RABIF: variants seen among roughly 807,000 people sequenced by gnomAD.
RABIF encodes the protein RAB interacting factor.
In RABIF, 13 loss-of-function variants were observed where a neutral mutation model predicts 12.3. The ratio of observed to expected loss-of-function variants is 1.06; its 90% CI spans 0.69 to 1.68. RABIF has a LOEUF of 1.68. Ranked by LOEUF, RABIF falls within the 40% of genes most tolerant of loss-of-function variation. RABIF has a pLI of 0.00. For missense variants in RABIF, 153 were observed against 158.0 expected (o/e 0.97, Z 0.17); for synonymous variants, 70 against 63.3 (o/e 1.11, Z -0.50).
chr1:202,882,895 C>A (rs1390482300), intron 1 of RABIF, among the ~76,000 whole-genome samples: 2 of 152,048 alleles, frequency 1.3e-5, no homozygotes, highest in Non-Finnish European at 2.9e-5. Context: ...TGATCTATTC[C>A]ATCACTATTA....
rs1659528907 is a variant in RABIF at position 202,884,213 on chromosome 1, T to TA, written c.127-2991dup. 3.3e-5 allele frequency among the ~76,000 whole-genome samples: 5 copies of TA among 151,692 alleles called. No homozygotes were observed. The South Asian group carries it at 1.0e-3, about 32-fold the overall frequency. On this transcript the variant is annotated intron_variant, in intron 1 of 1. Coordinates refer to ENST00000367262, the MANE Select transcript of RABIF (RefSeq NM_002871.5). Reference sequence around the variant, plus strand: ...TGATATACTACTAACAGCACCCTTTTAAAAATAAAATACTACCTTTCTCAT... The same window carrying TA: ...TGATATACTACTAACAGCACCCTTTTAAAAAATAAAATACTACCTTTCTCAT...
rs1659440983 is a variant in RABIF, at chr1:202,878,454, T to TTA, written c.*2523_*2524insTA. Reference sequence around the variant, plus strand: ...GGCTCTCTTGGTGTGTTCACACAGATTTCTAAAGTATTTTGTCCAGCCTTT... The same window carrying TTA: ...GGCTCTCTTGGTGTGTTCACACAGATTATTCTAAAGTATTTTGTCCAGCCTTT... On this transcript the variant is annotated 3_prime_UTR_variant, in exon 2 of 2. Coordinates refer to ENST00000367262, the MANE Select transcript of RABIF (RefSeq NM_002871.5). 6.6e-6 allele frequency among the ~76,000 whole-genome samples: 1 copy of TTA among 152,208 alleles called. No homozygotes were observed. Among genetic ancestry groups the TTA allele is most frequent in the Non-Finnish European group, 1.5e-5 (1 of 68,042 alleles).
rs907664296 is a variant in RABIF at position 202,878,929 on chromosome 1, T to A, written c.*2049A>T. On this transcript the variant is annotated 3_prime_UTR_variant, in exon 2 of 2. Transcript: ENST00000367262. ...CTCCTTTGTTTTTTCAATTTATATA[T>A]TCTTCCCAAGGACATGCAGAAATCT... 3.3e-5 allele frequency: 5 copies of A among 152,220 alleles called. No homozygotes were observed. The highest frequency in any genetic ancestry group is 9.6e-5 in the African/African-American group (4 of 41,456). The allele number at this position is 152,220 out of a possible 1,614,324, so 9.4% of individuals were successfully genotyped here. A position where few individuals can be genotyped will look rare whatever the true frequency, so the allele number is the denominator to read the frequency against.
chr1:202,888,612 C>G (rs1571506735), intron 1 of RABIF, among the ~76,000 whole-genome samples: 1 of 152,206 alleles, frequency 6.6e-6, no homozygotes, highest in African/African-American at 2.4e-5. Flanking sequence ...GCGGGAGCTC[C>G]GAGAGCCGGA....
Position 202,886,283 on chromosome 1 carries a change from C to A in RABIF, c.126+2690G>T, listed in dbSNP as rs866088347. On this transcript the variant is annotated intron_variant, in intron 1 of 1. Coordinates refer to ENST00000367262, the MANE Select transcript of RABIF (RefSeq NM_002871.5). Reference sequence around the variant, plus strand: ...GGGAAGGGAAGGGGGGAAAGGAAAGCGGGGGAAGGGAGGGGAGGGGGAGGG... The same window carrying A: ...GGGAAGGGAAGGGGGGAAAGGAAAGAGGGGGAAGGGAGGGGAGGGGGAGGG... 2.8e-3 allele frequency among the ~76,000 whole-genome samples: 163 copies of A among 57,924 alleles called. 1 individual carries two copies. Among genetic ancestry groups the A allele is most frequent in the African/African-American group, 8.5e-3 (120 of 14,138 alleles). The allele number at this position is 57,924 out of a possible 152,430, so 38.0% of individuals were successfully genotyped here.
chr1:202,888,848 G>A lies in RABIF; in HGVS notation c.126+125C>T, dbSNP rs538977244. ...CTCGCCGAGCTGAGGCCCGAGGGGC[G>A]GGGCTTAAGGCCGCGCGAGGAGGGC... is the stretch of plus-strand genomic sequence containing the variant. On this transcript the variant is annotated intron_variant, in intron 1 of 1. Transcript: ENST00000367262. 35 of 1,311,706 alleles carry A rather than the reference G, an allele frequency of 2.7e-5. No individual in the cohort carries two copies. The African/African-American group carries it at 5.0e-4, about 19-fold the overall frequency. 81.3% of individuals were successfully genotyped at this position (1,311,706 alleles called of 1,614,324 possible). A position where few individuals can be genotyped will look rare whatever the true frequency, so the allele number is the denominator to read the frequency against.
chr1:202,886,983 C>T (rs2102398031), intron 1 of RABIF, among the ~76,000 whole-genome samples: 1 of 150,760 alleles, frequency 6.6e-6, no homozygotes, highest in Non-Finnish European at 1.5e-5. Flanking sequence ...ATCCGCCCAA[C>T]TCAGCTTCCC....
rs1659444768 is a variant in RABIF, at chr1:202,878,675, C to T, written c.*2303G>A. ...AGACAATTATGTGGAAACAATCAGG[C>T]TTTCACAAAATCAACTGCTCTCCCC... On this transcript the variant is annotated 3_prime_UTR_variant, in exon 2 of 2. Transcript: ENST00000367262. 6.6e-6 allele frequency among the ~76,000 whole-genome samples: 1 copy of T among 152,188 alleles called. No homozygotes were observed. The highest frequency in any genetic ancestry group is 1.5e-5 in the Non-Finnish European group (1 of 68,016).
rs777359064 is a variant in RABIF at position 202,881,193 on chromosome 1, C to G, written c.157G>C (p.Ala53Pro). The change falls in exon 2 of 2, where the codon GCT (alanine) becomes CCT (proline). Residue 53 changes from alanine (A) to proline (P), a missense_variant. Ala to Pro is a conservative substitution (Grantham distance 27). Coordinates refer to ENST00000367262, the MANE Select transcript of RABIF (RefSeq NM_002871.5). ...TCAGGATTGCTGCCGTCAGACAGAG[C>G]TGGCTTCTTTCTCATGGAGGGAAGG... ...LFLPSMRKKP[A>P]LSDGSNPDGD... The G allele has an allele frequency of 1.9e-6, 3 of 1,613,746 alleles. No individual in the cohort carries two copies. In the South Asian group the frequency reaches 3.3e-5, roughly 18 times the overall value.
At chr1:202,885,086 C>CAAAA (rs113531957) in intron 1 of RABIF, among the ~76,000 whole-genome samples, 12 of 120,650 alleles carry the variant, frequency 9.9e-5, no homozygotes, top group African/African-American at 3.5e-4. Context: ...GACTCTATCT[C>CAAAA]AAAAAAAAAA....
intron 1 of RABIF, among the ~76,000 whole-genome samples, chr1:202,884,888 C>T (rs902459276): frequency 1.3e-5 from 2 of 152,032 alleles, no homozygotes; most frequent in Admixed American, 1.3e-4. Context: ...AGTTCAAGAC[C>T]AGCCTGGCCA....
At chr1:202,887,212 A>G (rs946954868) in intron 1 of RABIF, among the ~76,000 whole-genome samples, 21 of 152,100 alleles carry the variant, frequency 1.4e-4, no homozygotes, top group African/African-American at 4.8e-4. Flanking sequence ...AAGTGCTTTT[A>G]TACAAATTCT....
intron 1 of RABIF, 85 bp downstream of exon 1, chr1:202,888,888 T>TA (rs775551263): frequency 9.4e-5 from 134 of 1,421,634 alleles, no homozygotes; most frequent in Non-Finnish European, 1.2e-4. Flanking sequence ...TTGCCGGAAA[T>TA]TGAAGAGCCG....
chr1:202,880,805 G>A lies in RABIF; in HGVS notation c.*173C>T. On this transcript the variant is annotated 3_prime_UTR_variant, in exon 2 of 2. Coordinates refer to ENST00000367262, the MANE Select transcript of RABIF (RefSeq NM_002871.5). ...TGAACTAAGCAGGAGGCATGTACTT[G>A]AGGCTTTAGGAAGCAGGATTAACCC... The A allele has an allele frequency of 7.1e-7, 1 of 1,410,268 alleles. No individual in the cohort carries two copies. The highest frequency in any genetic ancestry group is 9.2e-7 in the Non-Finnish European group (1 of 1,083,034). 87.4% of individuals were successfully genotyped at this position (1,410,268 alleles called of 1,614,324 possible).
At chr1:202,882,891 A>T (rs1318032269) in intron 1 of RABIF, among the ~76,000 whole-genome samples, 2 of 152,162 alleles carry the variant, frequency 1.3e-5, no homozygotes, top group Non-Finnish European at 2.9e-5. Context: ...GCTTTGATCT[A>T]TTCCATCACT....
chr1:202,889,147 T>C lies in RABIF; in HGVS notation c.-49A>G. 3 of 1,553,138 alleles carry C rather than the reference T, an allele frequency of 1.9e-6. No homozygotes were observed. Among genetic ancestry groups the C allele is most frequent in the Non-Finnish European group, 2.6e-6 (3 of 1,149,526 alleles). On this transcript the variant is annotated 5_prime_UTR_variant, in exon 1 of 2. Coordinates refer to ENST00000367262, the MANE Select transcript of RABIF (RefSeq NM_002871.5). Reference sequence around the variant, plus strand: ...CAGCCACGGCTGCGCAGACGCTGTCTCTGCTGGCTCGTTATTCACTGCGCT... The same window carrying C: ...CAGCCACGGCTGCGCAGACGCTGTCCCTGCTGGCTCGTTATTCACTGCGCT...
chr1:202,886,362 A>T (rs540945398), intron 1 of RABIF, among the ~76,000 whole-genome samples: 1 of 150,876 alleles, frequency 6.6e-6, no homozygotes, highest in South Asian at 2.1e-4. Context: ...GGCAGGGCAG[A>T]AGGTAGGTCC....
intron 1 of RABIF, 87 bp from the exon 2 acceptor site, chr1:202,881,310 T>C: frequency 4.7e-6 from 7 of 1,493,552 alleles, no homozygotes; most frequent in Non-Finnish European, 6.2e-6. Flanking sequence ...TTCACATTGC[T>C]CCCTAGCAGG....
At chr1:202,886,127 A>G (rs555544680) in intron 1 of RABIF, among the ~76,000 whole-genome samples, 1 of 151,990 alleles carries the variant, frequency 6.6e-6, no homozygotes, top group East Asian at 1.9e-4. Flanking sequence ...ATTTGCTCAC[A>G]CAATTTTTGG....
Sources: allele counts gnomAD v4.1 joint callset (sites outside exome capture counted in the v4.1 genomes callset), GRCh38; gene constraint gnomAD v4.1.1; transcripts MANE v1.5; gene names NCBI Gene and HGNC (gene_info 2026-07-23, HGNC 2026-07-21).